DAP: variants seen among roughly 807,000 people sequenced by gnomAD.
The protein encoded by DAP is death associated protein, also known as death-associated protein 1.
DAP carries 8 observed loss-of-function variants against 13.8 expected under a neutral mutation model. That is an observed-to-expected ratio of 0.58 (90% CI 0.34 to 1.05). The LOEUF (loss-of-function observed/expected upper bound fraction) is 1.05. DAP is among the 50% of genes least tolerant of loss of function. The probability of loss-of-function intolerance (pLI) is 0.03; values close to 1 mark genes in which losing one functional copy is unlikely to be tolerated. For missense variants in DAP, 106 were observed against 133.2 expected (o/e 0.80, Z 1.01); for synonymous variants, 47 against 47.5 (o/e 0.99, Z 0.04).
chr5:10,703,299 G>A (rs868103828), intron 2 of DAP, among the ~76,000 whole-genome samples: 8 of 152,198 alleles, frequency 5.3e-5, no homozygotes, highest in African/African-American at 1.7e-4. Flanking sequence ...CAGAAGACAC[G>A]TAATCCAAGT....
intron 2 of DAP, among the ~76,000 whole-genome samples, chr5:10,688,360 A>C (rs1044417433): frequency 2.6e-5 from 4 of 152,224 alleles, no homozygotes; most frequent in African/African-American, 9.6e-5. Flanking sequence ...GATCATTAGC[A>C]TACAGAATTT....
intron 2 of DAP, among the ~76,000 whole-genome samples, chr5:10,704,264 A>G (rs374395237): frequency 6.6e-6 from 1 of 152,222 alleles, no homozygotes; most frequent in South Asian, 2.1e-4. Context: ...TAATTTTTCT[A>G]CAGCAAAATG....
intron 2 of DAP, among the ~76,000 whole-genome samples, chr5:10,709,237 A>G (rs1245237679): frequency 1.3e-5 from 2 of 152,254 alleles, no homozygotes; most frequent in Non-Finnish European, 2.9e-5. Flanking sequence ...TGCATTATAA[A>G]TGTTTTTAGG....
intron 1 of DAP, among the ~76,000 whole-genome samples, chr5:10,757,726 G>A (rs569884054): frequency 2.6e-5 from 4 of 152,340 alleles, no homozygotes; most frequent in African/African-American, 9.6e-5. Context: ...TCTGCTGCCT[G>A]AACCGGCCAA....
intron 2 of DAP, among the ~76,000 whole-genome samples, chr5:10,731,441 G>C (rs533007828): frequency 7.6e-4 from 116 of 152,212 alleles, no homozygotes; most frequent in Non-Finnish European, 1.0e-3. Context: ...TGGATCCCGA[G>C]CCCTGTGTGA....
In DAP at chr5:10,719,976, G is replaced by A. The variant is rs149700280; in HGVS notation, c.152+28199C>T. On this transcript the variant is annotated intron_variant, in intron 2 of 3. Transcript: ENST00000230895. ...GCAGTGAAGGGAAATCTTCCCAGTG[G>A]GCAGAACTTCCAGCAGTGCACCTGG... is the stretch of plus-strand genomic sequence containing the variant. Among the ~76,000 whole-genome samples, 3 of 152,304 alleles carry A rather than the reference G, an allele frequency of 2.0e-5. No homozygotes were observed. In the East Asian group the frequency reaches 5.8e-4, roughly 29 times the overall value.
At chr5:10,691,835 T>A (rs1738316120) in intron 2 of DAP, among the ~76,000 whole-genome samples, 1 of 152,238 alleles carries the variant, frequency 6.6e-6, no homozygotes, top group Non-Finnish European at 1.5e-5. Flanking sequence ...ACACCCAGAC[T>A]AAGCAGCCAC....
chr5:10,696,945 T>C (rs1396769659), intron 2 of DAP, among the ~76,000 whole-genome samples: 2 of 152,126 alleles, frequency 1.3e-5, no homozygotes, highest in African/African-American at 2.4e-5. Context: ...ATTCAAACAG[T>C]ATAAAGCAGC....
chr5:10,746,610 G>A (rs1267324614), intron 2 of DAP, among the ~76,000 whole-genome samples: 4 of 152,140 alleles, frequency 2.6e-5, no homozygotes, highest in East Asian at 3.9e-4. Flanking sequence ...GATTACTGGC[G>A]TGAGACACCG....
At chr5:10,760,974 C>T in intron 1 of DAP, 40 bp downstream of exon 1, 1 of 1,197,278 alleles carries the variant, frequency 8.4e-7, no homozygotes, top group Non-Finnish European at 1.0e-6. Context: ...GAGCCCGCCC[C>T]CGGCACCCGC....
intron 2 of DAP, among the ~76,000 whole-genome samples, chr5:10,703,229 C>T (rs1579794459): frequency 6.6e-6 from 1 of 152,316 alleles, no homozygotes; most frequent in Admixed American, 6.5e-5. Context: ...TGTTGGGACA[C>T]AGTAAGATGT....
At chr5:10,698,981 G>A (rs1245463747) in intron 2 of DAP, among the ~76,000 whole-genome samples, 1 of 152,220 alleles carries the variant, frequency 6.6e-6, no homozygotes, top group African/African-American at 2.4e-5. Flanking sequence ...ATACGGCTGA[G>A]TACTGGTTGG....
At chr5:10,684,247 G>T in intron 2 of DAP, among the ~76,000 whole-genome samples, 1 of 152,212 alleles carries the variant, frequency 6.6e-6, no homozygotes, top group East Asian at 1.9e-4. Context: ...ACATGGTGTG[G>T]ACTTGGAGAC....
intron 2 of DAP, among the ~76,000 whole-genome samples, chr5:10,739,512 C>T (rs1198212104): frequency 2.0e-5 from 3 of 151,970 alleles, no homozygotes; most frequent in African/African-American, 7.3e-5. Context: ...CACTCTAGGC[C>T]TCACCCAGGA....
chr5:10,706,830 C>T (rs540770307), intron 2 of DAP, among the ~76,000 whole-genome samples: 2 of 152,094 alleles, frequency 1.3e-5, no homozygotes, highest in East Asian at 1.9e-4. Flanking sequence ...GCACTGCCCT[C>T]GAGAAAAGGG....
At chr5:10,725,758 T>C (rs1465599014) in intron 2 of DAP, among the ~76,000 whole-genome samples, 1 of 152,212 alleles carries the variant, frequency 6.6e-6, no homozygotes, top group Non-Finnish European at 1.5e-5. Flanking sequence ...GCAGAAACGG[T>C]GGGCAGGAGA....
At chr5:10,758,222 T>A (rs2930061) in intron 1 of DAP, among the ~76,000 whole-genome samples, 35,445 of 147,260 alleles carry the variant, frequency 0.24, 4,356 homozygotes, top group Middle Eastern at 0.36. Context: ...TTTTTTTTTT[T>A]AAAAACTATC....
chr5:10,728,060 T>C (rs996907774), intron 2 of DAP, among the ~76,000 whole-genome samples: 1 of 117,664 alleles, frequency 8.5e-6, no homozygotes, highest in African/African-American at 3.0e-5. Flanking sequence ...CTGCCGTGGG[T>C]TGAACCCTTG....
chr5:10,735,685 G>A (rs1739591240), intron 2 of DAP, among the ~76,000 whole-genome samples: 1 of 152,220 alleles, frequency 6.6e-6, no homozygotes, highest in Admixed American at 6.5e-5. Context: ...CCCTTGGTCA[G>A]GAAAATGGGC....
Sources: gnomAD v4.1 joint callset for allele counts (sites outside exome capture counted in the v4.1 genomes callset) on GRCh38, gnomAD v4.1.1 for gene constraint, MANE v1.5 for transcripts, NCBI Gene and HGNC (gene_info 2026-07-23, HGNC 2026-07-21) for gene names.